CDH12: variants seen among roughly 807,000 people sequenced by gnomAD.
The protein encoded by CDH12 is cadherin 12.
A neutral mutation model predicts 74.1 loss-of-function variants in CDH12; 41 were observed. That is an observed-to-expected ratio of 0.55 (90% confidence interval 0.43 to 0.72). The LOEUF is 0.72. Among genes scored for constraint, CDH12 ranks in the 30% least tolerant of loss-of-function variants. The pLI, the probability that CDH12 is intolerant of heterozygous loss-of-function variation, is 0.00. For synonymous variants in CDH12, 399 were observed against 355.0 expected, an observed-to-expected ratio of 1.12 and a Z score of -1.39; for missense variants, 945 against 977.2, an observed-to-expected ratio of 0.97 and a Z score of 0.44.
intron 4 of CDH12, among the ~76,000 whole-genome samples, chr5:22,135,271 A>G (rs1479065480): frequency 6.6e-6 from 1 of 151,510 alleles, no homozygotes; most frequent in Non-Finnish European, 1.5e-5. Context: ...AAACCACCTT[A>G]GAGTGTTTTT....
chr5:22,823,284 A>C (rs1035681347), intron 1 of CDH12, among the ~76,000 whole-genome samples: 1 of 151,772 alleles, frequency 6.6e-6, no homozygotes, highest in African/African-American at 2.4e-5. Flanking sequence ...CCTAATGCTA[A>C]ATGACGAGTT....
chr5:21,842,582 T>G (rs1042209802), intron 7 of CDH12, among the ~76,000 whole-genome samples: 3 of 152,154 alleles, frequency 2.0e-5, no homozygotes, highest in African/African-American at 7.2e-5. Context: ...GTATCACCTC[T>G]AAGAGGTAGT....
intron 4 of CDH12, among the ~76,000 whole-genome samples, chr5:22,196,235 C>T (rs1750612105): frequency 1.3e-5 from 2 of 150,884 alleles, no homozygotes; most frequent in East Asian, 4.0e-4. Context: ...ACTTCCGAAT[C>T]CCGGGTTTAG....
chr5:21,884,689 G>T (rs1367724657), intron 6 of CDH12, among the ~76,000 whole-genome samples: 2 of 152,056 alleles, frequency 1.3e-5, no homozygotes, highest in African/African-American at 4.8e-5. Flanking sequence ...GCCTTTCTGT[G>T]GAGAGTGAGA....
At chr5:22,464,437 A>G (rs1311010257) in intron 2 of CDH12, among the ~76,000 whole-genome samples, 2 of 152,102 alleles carry the variant, frequency 1.3e-5, no homozygotes, top group Non-Finnish European at 2.9e-5. Context: ...TGTTGTCATT[A>G]CAGAAAAACT....
At chr5:21,935,788 T>C (rs1252672617) in intron 6 of CDH12, among the ~76,000 whole-genome samples, 1 of 152,180 alleles carries the variant, frequency 6.6e-6, no homozygotes, top group Non-Finnish European at 1.5e-5. Flanking sequence ...ACTGTTTATC[T>C]CCATGAGTTC....
At chr5:22,127,286 T>C (rs1449048373) in intron 4 of CDH12, among the ~76,000 whole-genome samples, 1 of 152,008 alleles carries the variant, frequency 6.6e-6, no homozygotes, top group Admixed American at 6.6e-5. Flanking sequence ...AAGACCAGCC[T>C]GGCCAACATG....
Position 21,975,367 on chromosome 5 carries a change from T to C in CDH12, c.250A>G (p.Lys84Glu), listed in dbSNP as rs763364412. ...GTGTATTTCACAGTGCCCTCTCCCT[T>C]GTCTAAGTCGGAATGGAGCTTTAGG... ...YVGKLHSDLD[K>E]GEGTVKYTLS... is the part of the protein sequence containing the mutation. The change falls in exon 6 of 15, where the codon AAG becomes GAG. Residue 84 changes from lysine to glutamate, a missense_variant. This residue lies in a region of CDH12 where 148 missense variants were observed against 162.8 expected (regional missense o/e 0.91). Coordinates refer to ENST00000382254, the MANE Select transcript of CDH12 (RefSeq NM_004061.5). 6.3e-7 allele frequency: 1 copy of C among 1,592,972 alleles called. No individual in the cohort carries two copies.
chr5:22,526,485 T>C (rs1438211786), intron 1 of CDH12, among the ~76,000 whole-genome samples: 1 of 152,212 alleles, frequency 6.6e-6, no homozygotes, highest in African/African-American at 2.4e-5. Flanking sequence ...TCCTTATTGA[T>C]GGGTGTAGAG....
chr5:22,662,785 T>C (rs1029057612), intron 1 of CDH12, among the ~76,000 whole-genome samples: 1 of 152,182 alleles, frequency 6.6e-6, no homozygotes, highest in East Asian at 1.9e-4. Context: ...TGCTAATATA[T>C]TGCAAGTGGC....
At chr5:22,166,272 C>T (rs1174701635) in intron 4 of CDH12, among the ~76,000 whole-genome samples, 1 of 152,112 alleles carries the variant, frequency 6.6e-6, no homozygotes, top group Non-Finnish European at 1.5e-5. Flanking sequence ...ATCCCAAACC[C>T]CTGGAAGAGG....
At chr5:22,352,656 C>A (rs1298415272) in intron 3 of CDH12, among the ~76,000 whole-genome samples, 2 of 152,106 alleles carry the variant, frequency 1.3e-5, no homozygotes, top group Non-Finnish European at 2.9e-5. Flanking sequence ...TGGTTATTGT[C>A]ATGAAAGAGA....
At chr5:22,431,746 A>G (rs1276571440) in intron 2 of CDH12, among the ~76,000 whole-genome samples, 1 of 152,190 alleles carries the variant, frequency 6.6e-6, no homozygotes, top group Non-Finnish European at 1.5e-5. Context: ...TTGTGTCTTT[A>G]TTTTTAACAT....
chr5:22,699,724 ACTT>A (rs1286348259), intron 1 of CDH12, among the ~76,000 whole-genome samples: 1 of 152,218 alleles, frequency 6.6e-6, no homozygotes, highest in Non-Finnish European at 1.5e-5. Context: ...ACATAAAATT[ACTT>A]CTATTTTAGA....
At chr5:22,418,721 TG>T (rs1187796514) in intron 2 of CDH12, among the ~76,000 whole-genome samples, 1 of 151,970 alleles carries the variant, frequency 6.6e-6, no homozygotes, top group South Asian at 2.1e-4. Context: ...TCGTCTCTAT[TG>T]AAACTACAAA....
chr5:21,764,484 T>C (rs1437170865), intron 12 of CDH12, among the ~76,000 whole-genome samples: 4 of 144,640 alleles, frequency 2.8e-5, no homozygotes, highest in African/African-American at 1.0e-4. Context: ...CCCATCTCTA[T>C]TAAAAATACA....
intron 4 of CDH12, among the ~76,000 whole-genome samples, chr5:22,168,926 G>A (rs113210037): frequency 4.0e-4 from 59 of 148,082 alleles, no homozygotes; most frequent in African/African-American, 1.4e-3. Context: ...CAATAACTAC[G>A]CTCCACTAAG....
chr5:22,695,642 T>C (rs1742319727), intron 1 of CDH12, among the ~76,000 whole-genome samples: 1 of 152,228 alleles, frequency 6.6e-6, no homozygotes, highest in South Asian at 2.1e-4. Context: ...TAGTTTCTTC[T>C]TGACAATCTT....
chr5:21,934,206 T>G (rs1394792972), intron 6 of CDH12, among the ~76,000 whole-genome samples: 3 of 152,156 alleles, frequency 2.0e-5, no homozygotes, highest in Non-Finnish European at 2.9e-5. Context: ...TCCCCAGTGT[T>G]GGAGGTATGG....
Sources: allele counts gnomAD v4.1 joint callset (sites outside exome capture counted in the v4.1 genomes callset), GRCh38; gene constraint gnomAD v4.1.1; regional missense constraint gnomAD v4.1.1; transcripts MANE v1.5; gene names NCBI Gene and HGNC (gene_info 2026-07-23, HGNC 2026-07-21).